Variants in EDNRA observed in about 807,000 individuals in gnomAD.
EDNRA encodes the protein endothelin-1 receptor.
EDNRA carries 11 observed loss-of-function variants against 41.4 expected under a neutral mutation model. The observed-to-expected ratio is 0.27, with a 90% CI of 0.17 to 0.44. The LOEUF is 0.44. EDNRA is among the 20% of genes least tolerant of loss of function. EDNRA has a pLI of 1.00. For synonymous variants in EDNRA, 172 were observed against 183.0 expected, an observed-to-expected ratio of 0.94 and a Z score of 0.49; for missense variants, 294 against 531.0, an observed-to-expected ratio of 0.55 and a Z score of 4.39.
Position 147,540,446 on chromosome 4 carries a change from T to C in EDNRA, c.1104T>C (p.Ala368=). 6.2e-7 allele frequency: 1 copy of C among 1,613,054 alleles called. No homozygotes were observed. The highest frequency in any genetic ancestry group is 8.5e-7 in the Non-Finnish European group (1 of 1,179,726). The change falls in exon 7 of 8, where the codon GCT becomes GCC. Residue 368 remains alanine (A), a synonymous_variant. Coordinates refer to ENST00000651419, the MANE Select transcript of EDNRA (RefSeq NM_001957.4). ...ATMNSCINPI[A]LYFVSKKFKN... ...TGAATTCATGTATAAACCCCATAGC[T>C]CTGTATTTTGTGAGCAAGAAATTTA...
intron 6 of EDNRA, 84 bp downstream of exon 6, chr4:147,540,034 A>C: frequency 1.3e-6 from 2 of 1,502,200 alleles, no homozygotes; most frequent in African/African-American, 1.4e-5. Flanking sequence ...GCTACTCTAC[A>C]TGCCCGTTAG....
At chr4:147,540,148 C>T (rs1295922851) in intron 6 of EDNRA, among the ~76,000 whole-genome samples, 198 bp downstream of exon 6, 1 of 152,194 alleles carries the variant, frequency 6.6e-6, no homozygotes, top group Non-Finnish European at 1.5e-5. Context: ...TGCCCCTCCC[C>T]TCCTGAGGCT....
Position 147,486,114 on chromosome 4 carries a change from C to T in EDNRA, c.420+13C>T, listed in dbSNP as rs199979530. ...CAATGTATTTAAGGTAGGAAGTAAC[C>T]ACAAATGTATTTGCAAATTTAAACC... is the stretch of plus-strand genomic sequence containing the variant. On this transcript the variant is annotated intron_variant, in intron 2 of 7. Coordinates refer to ENST00000651419, the MANE Select transcript of EDNRA (RefSeq NM_001957.4). The surrounding 1 kb of genome is among the most constrained non-coding windows in gnomAD (Gnocchi z 4.3). 1.9e-6 allele frequency: 3 copies of T among 1,591,042 alleles called. No individual in the cohort carries two copies. The highest frequency in any genetic ancestry group is 2.6e-6 in the Non-Finnish European group (3 of 1,166,362).
At chr4:147,542,040 C>A (rs1731119994) in intron 7 of EDNRA, among the ~76,000 whole-genome samples, 1 of 152,118 alleles carries the variant, frequency 6.6e-6, no homozygotes, top group Admixed American at 6.5e-5. Flanking sequence ...TCACTGTCCT[C>A]ATTCATAAAA....
chr4:147,506,002 T>C, intron 2 of EDNRA: 2 of 382,100 alleles, frequency 5.2e-6, no homozygotes, highest in Non-Finnish European at 1.0e-5. Context: ...GCAGTTGCAC[T>C]CTTGAGCATG....
intron 2 of EDNRA, chr4:147,492,614 C>G (rs2126387650): frequency 6.6e-6 from 1 of 150,640 alleles, no homozygotes; most frequent in African/African-American, 2.4e-5. Context: ...AAATATTAAC[C>G]TATAAGTGAT....
At chr4:147,499,268 C>T (rs1388418437) in intron 2 of EDNRA, among the ~76,000 whole-genome samples, 1 of 152,130 alleles carries the variant, frequency 6.6e-6, no homozygotes, top group Non-Finnish European at 1.5e-5. Context: ...GTTGCCCAGG[C>T]TGGTCTCAAA....
chr4:147,533,448 C>T (rs1388581117), intron 4 of EDNRA, among the ~76,000 whole-genome samples: 1 of 152,140 alleles, frequency 6.6e-6, no homozygotes, highest in East Asian at 1.9e-4. Flanking sequence ...TCTCTTAAAT[C>T]AGTATAATTT....
intron 3 of EDNRA, among the ~76,000 whole-genome samples, chr4:147,527,242 G>A (rs1357406752): frequency 6.6e-6 from 1 of 151,798 alleles, no homozygotes; most frequent in Non-Finnish European, 1.5e-5. Flanking sequence ...AATTAATCCA[G>A]AAAAATCATT....
rs1352561235 is a variant in EDNRA at position 147,544,563 on chromosome 4, G to C, written c.*1945G>C. 1 of 152,578 alleles carries C rather than the reference G, an allele frequency of 6.6e-6. No homozygotes were observed. The highest frequency in any genetic ancestry group is 1.5e-5 in the Non-Finnish European group (1 of 68,040). The allele number at this position is 152,578 out of a possible 1,614,324, so 9.5% of individuals were successfully genotyped here. ...AAATAACATCAGGTTCCAGTTGCTT[G>C]AATTGCAAGGCTAAGAAGTACTGCC... On this transcript the variant is annotated 3_prime_UTR_variant, in exon 8 of 8. Coordinates refer to ENST00000651419, the MANE Select transcript of EDNRA (RefSeq NM_001957.4).
intron 2 of EDNRA, among the ~76,000 whole-genome samples, chr4:147,513,917 C>T (rs1001917347): frequency 3.3e-5 from 5 of 151,994 alleles, no homozygotes; most frequent in Non-Finnish European, 5.9e-5. Flanking sequence ...GCCATGACAA[C>T]AACAAAAATA....
intron 2 of EDNRA, among the ~76,000 whole-genome samples, chr4:147,512,591 CT>C (rs1251582373): frequency 6.6e-6 from 1 of 152,238 alleles, no homozygotes; most frequent in African/African-American, 2.4e-5. Context: ...AGATCAGGCC[CT>C]GCTGTAAGTG....
chr4:147,507,922 G>T (rs1729777829), intron 2 of EDNRA, among the ~76,000 whole-genome samples: 1 of 152,072 alleles, frequency 6.6e-6, no homozygotes, highest in Non-Finnish European at 1.5e-5. Flanking sequence ...CATTTTCTAT[G>T]TCCTTACCTA....
At chr4:147,515,315 C>T (rs1212720893) in intron 2 of EDNRA, among the ~76,000 whole-genome samples, 1 of 152,158 alleles carries the variant, frequency 6.6e-6, no homozygotes, top group Non-Finnish European at 1.5e-5. Flanking sequence ...CACCCACCCC[C>T]AGCTGTAATA....
chr4:147,529,555 G>A (rs1162657273), intron 3 of EDNRA, among the ~76,000 whole-genome samples: 1 of 152,194 alleles, frequency 6.6e-6, no homozygotes, highest in African/African-American at 2.4e-5. Flanking sequence ...AAAACTGGGA[G>A]ATTGTGGTGG....
At chr4:147,509,617 C>T (rs1212900728) in intron 2 of EDNRA, among the ~76,000 whole-genome samples, 1 of 152,154 alleles carries the variant, frequency 6.6e-6, no homozygotes, top group Admixed American at 6.5e-5. Context: ...ACTCGCATTA[C>T]CTCATGAGCT....
chr4:147,482,725 T>G (rs925553658), intron 1 of EDNRA, among the ~76,000 whole-genome samples: 3 of 149,324 alleles, frequency 2.0e-5, no homozygotes, highest in African/African-American at 5.0e-5. Context: ...AGGAAGGGGG[T>G]TTTAATGATA....
At chr4:147,497,297 C>G (rs1352082136) in intron 2 of EDNRA, among the ~76,000 whole-genome samples, 1 of 150,890 alleles carries the variant, frequency 6.6e-6, no homozygotes, top group Non-Finnish European at 1.5e-5. Context: ...ATGCCTGGCC[C>G]AGAATTCTTT....
intron 3 of EDNRA, among the ~76,000 whole-genome samples, chr4:147,531,405 A>G (rs1450038898): frequency 1.3e-5 from 2 of 152,214 alleles, no homozygotes; most frequent in African/African-American, 4.8e-5. Context: ...TGCTCACATA[A>G]GAAGGGAGGA....
Sources: allele counts gnomAD v4.1 joint callset (sites outside exome capture counted in the v4.1 genomes callset), GRCh38; gene constraint gnomAD v4.1.1; non-coding constraint Gnocchi (gnomAD v3.1); transcripts MANE v1.5; gene names NCBI Gene and HGNC (gene_info 2026-07-23, HGNC 2026-07-21).